TRIM35: variants seen among roughly 807,000 people sequenced by gnomAD.
TRIM35 encodes tripartite motif containing 35, also known as E3 ubiquitin-protein ligase TRIM35.
TRIM35 carries 37 observed loss-of-function variants against 49.1 expected under a neutral mutation model. The ratio of observed to expected loss-of-function variants is 0.75; its 90% CI spans 0.58 to 0.99. The LOEUF is 0.99. TRIM35 is among the 50% of genes least tolerant of loss of function. The pLI is 0.00. For missense variants in TRIM35, 648 were observed against 702.7 expected, an observed-to-expected ratio of 0.92 and a Z score of 0.88; for synonymous variants, 302 against 289.3, an observed-to-expected ratio of 1.04 and a Z score of -0.45.
chr8:27,304,423 C>T (rs553095303), intron 1 of TRIM35, among the ~76,000 whole-genome samples: 4 of 152,210 alleles, frequency 2.6e-5, no homozygotes, highest in Non-Finnish European at 5.9e-5. Context: ...ACCTTGAAAA[C>T]TCGGCTCTAG....
Position 27,285,666 on chromosome 8 carries a change from T to TTA in TRIM35, c.*1883_*1884insTA, listed in dbSNP as rs374374994. On this transcript the variant is annotated 3_prime_UTR_variant, in exon 6 of 6. Transcript: ENST00000305364. ...GCCTAGCCTGCTCAAGTTATCCTGTTAAAAAAAAAAAAAAAAAAAAAACTC... is the reference window on the plus strand; with the variant it reads ...GCCTAGCCTGCTCAAGTTATCCTGTTTAAAAAAAAAAAAAAAAAAAAAAACTC... 1.9e-4 allele frequency: 20 copies of TTA among 102,738 alleles called. No individual in the cohort carries two copies. Among genetic ancestry groups the TTA allele is most frequent in the Admixed American group, 1.6e-3 (16 of 9,918 alleles). 6.4% of individuals were successfully genotyped at this position (102,738 alleles called of 1,614,324 possible).
chr8:27,309,554 G>C (rs1240120279), intron 1 of TRIM35, among the ~76,000 whole-genome samples: 2 of 152,174 alleles, frequency 1.3e-5, no homozygotes, highest in Admixed American at 6.5e-5. Flanking sequence ...CCAGGCACAG[G>C]GGACTCGGGC....
intron 1 of TRIM35, among the ~76,000 whole-genome samples, chr8:27,306,911 T>C (rs1459622029): frequency 6.6e-6 from 1 of 152,236 alleles, no homozygotes; most frequent in African/African-American, 2.4e-5. Flanking sequence ...TGGAATGTTA[T>C]TGATTATAGT....
At chr8:27,306,629 T>C (rs2322604) in intron 1 of TRIM35, among the ~76,000 whole-genome samples, 51,546 of 152,124 alleles carry the variant, frequency 0.34, 10,670 homozygotes, top group Non-Finnish European at 0.46. Flanking sequence ...CGGCCACCAT[T>C]CATATTTTCT....
At position 27,286,285 on chromosome 8, in the gene TRIM35, G is replaced by A. The variant is rs1384484920; in HGVS notation, c.*1265C>T. 3 of 422,022 alleles carry A rather than the reference G, an allele frequency of 7.1e-6. No individual in the cohort carries two copies. Among genetic ancestry groups the A allele is most frequent in the South Asian group, 1.7e-5 (1 of 57,702 alleles). The allele number at this position is 422,022 out of a possible 1,614,324, so 26.1% of individuals were successfully genotyped here. A position where few individuals can be genotyped will look rare whatever the true frequency, so the allele number is the denominator to read the frequency against. ...GGAGGAAGAAATTAGGGATGAAATC[G>A]CAAGTGGCAGAGCAAGCATGACCAG... On this transcript the variant is annotated 3_prime_UTR_variant, in exon 6 of 6. Transcript: ENST00000305364.
chr8:27,311,097 G>C lies in TRIM35; in HGVS notation c.139C>G (p.Arg47Gly). The change falls in exon 1 of 6, where the codon CGC (arginine) becomes GGC (glycine). Residue 47 changes from arginine to glycine, a missense_variant. By Grantham distance (125) the Arg-to-Gly change is moderately radical. Coordinates refer to ENST00000305364, the MANE Select transcript of TRIM35 (RefSeq NM_171982.5). Reference sequence around the variant, plus strand: ...GGCGACACCTGCACCTCCCAGCAGCGGCTCACGCACCCGCGGCAGAAGTTG... The same window carrying C: ...GGCGACACCTGCACCTCCCAGCAGCCGCTCACGCACCCGCGGCAGAAGTTG... ...GHNFCRGCVS[R>G]CWEVQVSPTC... 6.3e-7 allele frequency: 1 copy of C among 1,598,484 alleles called. No homozygotes were observed. Among genetic ancestry groups the C allele is most frequent in the Non-Finnish European group, 8.5e-7 (1 of 1,173,608 alleles).
intron 3 of TRIM35, among the ~76,000 whole-genome samples, chr8:27,291,713 A>T (rs904258793): frequency 6.6e-6 from 1 of 152,242 alleles, no homozygotes; most frequent in Non-Finnish European, 1.5e-5. Context: ...GTAATTTATA[A>T]ACAATAGTTT....
At chr8:27,289,357 G>T in intron 4 of TRIM35, 77 bp from the exon 5 acceptor site, 1 of 1,189,160 alleles carries the variant, frequency 8.4e-7, no homozygotes, top group Non-Finnish European at 1.2e-6. Flanking sequence ...CTGGAAACCA[G>T]CAACAGGACT....
In TRIM35 at chr8:27,287,345, C is replaced by A; in HGVS notation, c.*205G>T. On this transcript the variant is annotated 3_prime_UTR_variant, in exon 6 of 6. Coordinates refer to ENST00000305364, the MANE Select transcript of TRIM35 (RefSeq NM_171982.5). The surrounding 1 kb of genome is among the most constrained non-coding windows in gnomAD (Gnocchi z 6.0). Reference sequence around the variant, plus strand: ...GAGAGCCTGGCCAGCGAGGTGCCACCCGAATAGCTCCTGACCATGGGCACA... The same window carrying A: ...GAGAGCCTGGCCAGCGAGGTGCCACACGAATAGCTCCTGACCATGGGCACA... 1 of 563,516 alleles carries A rather than the reference C, an allele frequency of 1.8e-6. No individual in the cohort carries two copies. The highest frequency in any genetic ancestry group is 2.8e-5 in the South Asian group (1 of 35,648). The allele number at this position is 563,516 out of a possible 1,614,324, so 34.9% of individuals were successfully genotyped here. A position where few individuals can be genotyped will look rare whatever the true frequency, so the allele number is the denominator to read the frequency against.
Position 27,286,152 on chromosome 8 carries a change from T to A in TRIM35, c.*1398A>T, listed in dbSNP as rs1017765706. On this transcript the variant is annotated 3_prime_UTR_variant, in exon 6 of 6. Transcript: ENST00000305364. ...TAACACTGCTCCTAGGAAAAAAAAATATTTCCTTTTATGATGCCACTTCCT... is the reference window on the plus strand; with the variant it reads ...TAACACTGCTCCTAGGAAAAAAAAAAATTTCCTTTTATGATGCCACTTCCT... 5 of 455,920 alleles carry A rather than the reference T, an allele frequency of 1.1e-5. No individual in the cohort carries two copies. The highest frequency in any genetic ancestry group is 6.0e-5 in the African/African-American group (3 of 50,022). The allele number at this position is 455,920 out of a possible 1,614,324, so 28.2% of individuals were successfully genotyped here.
intron 3 of TRIM35, among the ~76,000 whole-genome samples, chr8:27,293,577 G>A (rs981453804): frequency 2.6e-5 from 4 of 152,132 alleles, no homozygotes; most frequent in Non-Finnish European, 5.9e-5. Context: ...GCACAGTGGT[G>A]CGCCAGTAGT....
At chr8:27,292,300 A>T (rs991357385) in intron 3 of TRIM35, among the ~76,000 whole-genome samples, 6 of 152,236 alleles carry the variant, frequency 3.9e-5, no homozygotes, top group African/African-American at 1.4e-4. Flanking sequence ...AGGCTATTCC[A>T]TATAATCTAG....
At chr8:27,291,104 T>C (rs1802443988) in intron 3 of TRIM35, among the ~76,000 whole-genome samples, 1 of 122,510 alleles carries the variant, frequency 8.2e-6, no homozygotes, top group Non-Finnish European at 1.8e-5. Flanking sequence ...ACCCTTACTA[T>C]ACCATATACA....
chr8:27,296,285 G>A (rs1479488659), intron 2 of TRIM35, among the ~76,000 whole-genome samples: 2 of 151,546 alleles, frequency 1.3e-5, no homozygotes, highest in Non-Finnish European at 2.9e-5. Context: ...ATTAAGCCCC[G>A]CATGCATTAG....
chr8:27,301,883 C>T (rs1802689525), intron 1 of TRIM35, among the ~76,000 whole-genome samples: 1 of 152,202 alleles, frequency 6.6e-6, no homozygotes, highest in Admixed American at 6.5e-5. Context: ...TATTTTTGCA[C>T]ATGGTGTGAC....
In TRIM35 at chr8:27,310,948, G is replaced by A. The variant is rs745573440; in HGVS notation, c.288C>T (p.Arg96=). Residue 96 remains arginine, a synonymous_variant, in exon 1 of 6, where the codon CGC becomes CGT. Coordinates refer to ENST00000305364, the MANE Select transcript of TRIM35 (RefSeq NM_171982.5). Reference sequence around the variant, plus strand: ...GGTGCAGGCGGCAGACACGCGAGAAGCGGTAGCTGGTCCAGCGCGCGCCCT... The same window carrying A: ...GGTGCAGGCGGCAGACACGCGAGAAACGGTAGCTGGTCCAGCGCGCGCCCT... ...EAEGARWTSY[R]FSRVCRLHRG... 4 of 1,612,690 alleles carry A rather than the reference G, an allele frequency of 2.5e-6. No individual in the cohort carries two copies. Among genetic ancestry groups the A allele is most frequent in the Middle Eastern group, 1.7e-4 (1 of 6,056 alleles).
chr8:27,308,251 CA>C (rs1303978032), intron 1 of TRIM35, among the ~76,000 whole-genome samples: 1 of 152,216 alleles, frequency 6.6e-6, no homozygotes. Flanking sequence ...ACAGGAAACA[CA>C]GGACCTGAAA....
chr8:27,290,388 G>A (rs1322874162), intron 3 of TRIM35, among the ~76,000 whole-genome samples: 2 of 152,196 alleles, frequency 1.3e-5, no homozygotes, highest in East Asian at 1.9e-4. Context: ...GTGTTGGGAG[G>A]AAAGGCCTAA....
At chr8:27,289,854 T>C (rs1334701568) in intron 4 of TRIM35, among the ~76,000 whole-genome samples, 2 of 152,146 alleles carry the variant, frequency 1.3e-5, no homozygotes, top group African/African-American at 2.4e-5. Flanking sequence ...AGCCTGACAT[T>C]GACTGGCCCC....
Sources: gnomAD v4.1 joint callset for allele counts (sites outside exome capture counted in the v4.1 genomes callset) on GRCh38, gnomAD v4.1.1 for gene constraint, Gnocchi (gnomAD v3.1) non-coding constraint, MANE v1.5 for transcripts, NCBI Gene and HGNC (gene_info 2026-07-23, HGNC 2026-07-21) for gene names.